The following RIT2 variants were observed in gnomAD, a reference collection of about 807,000 sequenced individuals.
RIT2 encodes the protein GTP-binding protein Rit2.
Under a neutral mutation model 23.7 loss-of-function variants are expected in RIT2, and 24 were observed. The observed-to-expected ratio is 1.01, with a 90% CI of 0.73 to 1.43. RIT2 has a LOEUF of 1.43. Among genes scored for constraint, RIT2 ranks in the 40% most tolerant of loss-of-function variants. The pLI is 0.00. For missense variants in RIT2, 236 were observed against 266.9 expected (o/e 0.88, Z 0.81); for synonymous variants, 107 against 91.1 (o/e 1.17, Z -0.99).
chr18:43,037,122 C>A (rs1249450645), intron 1 of RIT2, among the ~76,000 whole-genome samples: 1 of 152,138 alleles, frequency 6.6e-6, no homozygotes, highest in Non-Finnish European at 1.5e-5. Context: ...TTCTAAAAAT[C>A]TAATAACAAT....
chr18:42,817,616 C>T (rs920483275), intron 4 of RIT2, among the ~76,000 whole-genome samples: 6 of 151,906 alleles, frequency 3.9e-5, no homozygotes, highest in Non-Finnish European at 5.9e-5. Context: ...TGATGAGTGT[C>T]GCTTATCTTT....
intron 4 of RIT2, among the ~76,000 whole-genome samples, chr18:42,878,087 T>C (rs1192697316): frequency 6.6e-6 from 1 of 150,906 alleles, no homozygotes; most frequent in Non-Finnish European, 1.5e-5. Context: ...AGCATATTCA[T>C]ATACATACAC....
intron 4 of RIT2, among the ~76,000 whole-genome samples, chr18:42,878,183 G>GA (rs1210724117): frequency 6.6e-6 from 1 of 151,054 alleles, no homozygotes; most frequent in Non-Finnish European, 1.5e-5. Flanking sequence ...CCTGTGAGTG[G>GA]AAAATCTGTG....
At chr18:42,748,496 T>C (rs1335971174) in intron 4 of RIT2, among the ~76,000 whole-genome samples, 1 of 151,844 alleles carries the variant, frequency 6.6e-6, no homozygotes, top group Non-Finnish European at 1.5e-5. Context: ...TGGTGGGAAC[T>C]TAAACTAGTA....
chr18:42,940,487 G>A (rs1473848789), intron 3 of RIT2, among the ~76,000 whole-genome samples: 1 of 150,982 alleles, frequency 6.6e-6, no homozygotes, highest in African/African-American at 2.4e-5. Context: ...TCTACTTGTT[G>A]GCCTATCACA....
intron 4 of RIT2, among the ~76,000 whole-genome samples, chr18:42,745,335 A>G (rs1000693037): frequency 6.6e-6 from 1 of 152,190 alleles, no homozygotes; most frequent in South Asian, 2.1e-4. Flanking sequence ...ATTGTTTGTA[A>G]TCAGGGCAGA....
chr18:43,040,082 A>G (rs188246004), intron 1 of RIT2, among the ~76,000 whole-genome samples: 6 of 152,330 alleles, frequency 3.9e-5, no homozygotes, highest in East Asian at 3.9e-4. Context: ...AAGAAAAATC[A>G]TGCTGTCCGT....
chr18:43,013,354 G>A lies in RIT2; in HGVS notation c.160+20457C>T, dbSNP rs1598747969. 2.0e-5 allele frequency among the ~76,000 whole-genome samples: 3 copies of A among 151,864 alleles called. No homozygotes were observed. In the East Asian group the frequency reaches 5.8e-4, roughly 30 times the overall value. On this transcript the variant is annotated intron_variant, in intron 2 of 4. Transcript: ENST00000326695. Reference sequence around the variant, plus strand: ...ATGTAAGTAATGAATATAAATTTGTGTCAATAATTTTCACTTTCCTAGTGA... The same window carrying A: ...ATGTAAGTAATGAATATAAATTTGTATCAATAATTTTCACTTTCCTAGTGA...
chr18:42,883,921 C>G (rs1284624640), intron 4 of RIT2, among the ~76,000 whole-genome samples: 1 of 152,084 alleles, frequency 6.6e-6, no homozygotes, highest in African/African-American at 2.4e-5. Context: ...GTCTTTTTTG[C>G]CATGTGTAAT....
At chr18:43,036,012 G>A (rs1347634467) in intron 1 of RIT2, among the ~76,000 whole-genome samples, 2 of 152,132 alleles carry the variant, frequency 1.3e-5, no homozygotes, top group Non-Finnish European at 2.9e-5. Flanking sequence ...AGCAGTACAC[G>A]ATAGTCATGG....
chr18:42,812,063 G>A (rs1377559728), intron 4 of RIT2, among the ~76,000 whole-genome samples: 1 of 152,142 alleles, frequency 6.6e-6, no homozygotes, highest in Non-Finnish European at 1.5e-5. Context: ...AAGTGAGATA[G>A]AAGCAACTTT....
chr18:42,780,904 A>G lies in RIT2; in HGVS notation c.427-37184T>C, dbSNP rs1007941680. Reference sequence around the variant, plus strand: ...GCTTAGAATTTTATTTTTGGTTCACACATTCAATTTTCACAATGTTAGATG... The same window carrying G: ...GCTTAGAATTTTATTTTTGGTTCACGCATTCAATTTTCACAATGTTAGATG... On this transcript the variant is annotated intron_variant, in intron 4 of 4. Transcript: ENST00000326695. Among the ~76,000 whole-genome samples the G allele has an allele frequency of 2.2e-4, 34 of 151,568 alleles. 1 individual carries two copies. The highest frequency in any genetic ancestry group is 2.2e-3 in the Admixed American group (33 of 15,182).
chr18:42,766,900 G>A (rs1913435521), intron 4 of RIT2, among the ~76,000 whole-genome samples: 1 of 152,200 alleles, frequency 6.6e-6, no homozygotes, highest in Non-Finnish European at 1.5e-5. Context: ...CTGGGCTTTT[G>A]CAGGCTCCAT....
chr18:42,867,191 G>C (rs1907494944), intron 4 of RIT2, among the ~76,000 whole-genome samples: 1 of 152,050 alleles, frequency 6.6e-6, no homozygotes, highest in South Asian at 2.1e-4. Flanking sequence ...AAATGTGGCT[G>C]GTGACAACAG....
At chr18:42,778,424 GATTA>G (rs139189010) in intron 4 of RIT2, among the ~76,000 whole-genome samples, 201 of 152,138 alleles carry the variant, frequency 1.3e-3, no homozygotes, top group African/African-American at 4.6e-3. Context: ...GTTTGCTAAT[GATTA>G]ATTATCTATA....
intron 1 of RIT2, among the ~76,000 whole-genome samples, chr18:43,059,257 G>A (rs1433664764): frequency 6.6e-6 from 1 of 152,042 alleles, no homozygotes; most frequent in Non-Finnish European, 1.5e-5. Flanking sequence ...TGTGACATGG[G>A]TATAATTATT....
At chr18:43,076,749 G>A (rs1290708836) in intron 1 of RIT2, among the ~76,000 whole-genome samples, 3 of 152,120 alleles carry the variant, frequency 2.0e-5, no homozygotes, top group Non-Finnish European at 4.4e-5. Context: ...CTAGACATAA[G>A]TTAAATCCTA....
rs771973857 is a variant in RIT2 at position 42,923,569 on chromosome 18, C to T, written c.426+3G>A. On this transcript the variant is annotated splice_donor_region_variant and intron_variant, in intron 4 of 4. Transcript: ENST00000326695. ...GAAGCTACCAGATAAAATCGGCACT[C>T]ACCTGGCGGAACTGTTCCAGATCAA... The T allele has an allele frequency of 6.2e-7, 1 of 1,612,294 alleles. No individual in the cohort carries two copies. Among genetic ancestry groups the T allele is most frequent in the East Asian group, 2.2e-5 (1 of 44,810 alleles).
At position 42,743,733 on chromosome 18, in the gene RIT2, C is replaced by A. The variant is rs2143870250; in HGVS notation, c.427-13G>T. On this transcript the variant is annotated splice_polypyrimidine_tract_variant and intron_variant, in intron 4 of 4. Coordinates refer to ENST00000326695, the MANE Select transcript of RIT2 (RefSeq NM_002930.4). The stretch of plus-strand genomic sequence containing the variant: ...CTTCTGTAGAAACCTAAGGAAAAAA[C>A]AAATAATATTAAAAAGACAGAAAGA... 2 of 1,546,614 alleles carry A rather than the reference C, an allele frequency of 1.3e-6. No individual in the cohort carries two copies. Among genetic ancestry groups the A allele is most frequent in the Non-Finnish European group, 1.8e-6 (2 of 1,129,074 alleles).
Sources: gnomAD v4.1 joint callset for allele counts (sites outside exome capture counted in the v4.1 genomes callset) on GRCh38, gnomAD v4.1.1 for gene constraint, MANE v1.5 for transcripts, NCBI Gene and HGNC (gene_info 2026-07-23, HGNC 2026-07-21) for gene names.